The following PHF2 variants were observed in gnomAD, a reference collection of about 807,000 sequenced individuals.
PHF2 encodes the protein PHD finger protein 2.
Under a neutral mutation model 120.5 loss-of-function variants are expected in PHF2, and 27 were observed. The ratio of observed to expected loss-of-function variants is 0.22; its 90% CI spans 0.17 to 0.31. The LOEUF (loss-of-function observed/expected upper bound fraction) is 0.31. PHF2 is among the 10% of genes least tolerant of loss of function. The probability of loss-of-function intolerance (pLI) is 1.00; values close to 1 mark genes in which losing one functional copy is unlikely to be tolerated. For synonymous variants in PHF2, 568 were observed against 592.5 expected (o/e 0.96, Z 0.60); for missense variants, 1,024 against 1,434.8 (o/e 0.71, Z 4.63).
chr9:93,587,871 G>A (rs534339919), intron 1 of PHF2, among the ~76,000 whole-genome samples: 6 of 152,272 alleles, frequency 3.9e-5, no homozygotes, highest in East Asian at 3.9e-4. Context: ...CTGACCGTCC[G>A]TTCTCCAGCA....
At chr9:93,593,175 C>A (rs927035728) in intron 1 of PHF2, among the ~76,000 whole-genome samples, 1 of 151,854 alleles carries the variant, frequency 6.6e-6, no homozygotes, top group Non-Finnish European at 1.5e-5. Flanking sequence ...GGCAGCACCC[C>A]CTTCCCTGGA....
intron 1 of PHF2, among the ~76,000 whole-genome samples, chr9:93,601,799 C>T (rs1030788584): frequency 3.9e-5 from 6 of 152,030 alleles, no homozygotes; most frequent in Non-Finnish European, 8.8e-5. Context: ...TGGAGCTCCA[C>T]GGGCAGAGCA....
intron 4 of PHF2, among the ~76,000 whole-genome samples, chr9:93,647,271 C>T (rs1826277392): frequency 6.6e-6 from 1 of 152,192 alleles, no homozygotes; most frequent in South Asian, 2.1e-4. Context: ...AGCTAATTTC[C>T]TCCCTTCCAC....
At chr9:93,620,015 T>C (rs2131638364) in intron 1 of PHF2, among the ~76,000 whole-genome samples, 1 of 152,338 alleles carries the variant, frequency 6.6e-6, no homozygotes. Flanking sequence ...AAGGCGTCCC[T>C]GGGCTTCAGC....
chr9:93,650,349 G>T (rs1826347226), intron 5 of PHF2, among the ~76,000 whole-genome samples: 1 of 152,114 alleles, frequency 6.6e-6, no homozygotes. Context: ...GACACACTGA[G>T]ATACTAACTC....
rs748181432 is a variant in PHF2 at position 93,655,992 on chromosome 9, C to T, written c.1011C>T (p.Leu337=). The T allele has an allele frequency of 6.2e-7, 1 of 1,612,814 alleles. No individual in the cohort carries two copies. The highest frequency in any genetic ancestry group is 1.1e-5 in the South Asian group (1 of 90,800). ...GCCTGGCCTTCGCGGGACATTTCCT[C>T]CACAGCCTGAGTGTGGAGATGCAGA... is the stretch of plus-strand genomic sequence containing the variant. ...VDCLAFAGHF[L]HSLSVEMQMR... The change falls in exon 8 of 22, where the codon CTC becomes CTT. Residue 337 remains leucine (L), a synonymous_variant. Coordinates refer to ENST00000359246, the MANE Select transcript of PHF2 (RefSeq NM_005392.4).
chr9:93,656,555 G>T lies in PHF2; in HGVS notation c.1107G>T (p.Ala369=), dbSNP rs777846852. The part of the protein sequence containing the change: ...SLTQFPNFET[A]CWYMGKHLLE... ...CTCAGTTTCCCAACTTTGAAACTGC[G>T]TGCTGGTACATGGGGAAGCACCTGC... The change falls in exon 9 of 22, where the codon GCG becomes GCT. Residue 369 remains alanine (A), a synonymous_variant. Transcript: ENST00000359246. The surrounding 1 kb of genome is among the most constrained non-coding windows in gnomAD (Gnocchi z 4.1). The T allele has an allele frequency of 3.7e-6, 6 of 1,613,854 alleles. No individual in the cohort carries two copies. The highest frequency in any genetic ancestry group is 1.7e-5 in the Admixed American group (1 of 60,008).
At chr9:93,599,748 C>T (rs1167402907) in intron 1 of PHF2, among the ~76,000 whole-genome samples, 1 of 152,210 alleles carries the variant, frequency 6.6e-6, no homozygotes, top group African/African-American at 2.4e-5. Context: ...CTGCTTGCAG[C>T]AAGGGGGATT....
At chr9:93,640,161 C>T (rs561420885) in intron 3 of PHF2, among the ~76,000 whole-genome samples, 1 of 152,090 alleles carries the variant, frequency 6.6e-6, no homozygotes, top group South Asian at 2.1e-4. Flanking sequence ...TGCCTAGGTG[C>T]AGAATTTTTG....
At chr9:93,580,149 G>A (rs75805906) in intron 1 of PHF2, among the ~76,000 whole-genome samples, 2,171 of 152,272 alleles carry the variant, frequency 0.014, 55 homozygotes, top group African/African-American at 0.048. Context: ...TTCCTCCTCC[G>A]GCCCCATCTT....
At chr9:93,652,729 G>C (rs988667323) in intron 5 of PHF2, among the ~76,000 whole-genome samples, 2 of 152,206 alleles carry the variant, frequency 1.3e-5, no homozygotes, top group Non-Finnish European at 1.5e-5. Flanking sequence ...ACGTGGCCAG[G>C]GGTCGTGGGC....
chr9:93,654,385 C>T (rs775602675), intron 6 of PHF2, 28 bp from the exon 7 acceptor site: 36 of 1,603,022 alleles, frequency 2.2e-5, no homozygotes, highest in Middle Eastern at 1.7e-4. Context: ...CCAGTATGGG[C>T]GGCTCTGCCA....
chr9:93,576,714 C>A lies in PHF2; in HGVS notation c.-60C>A. 1 of 766,044 alleles carries A rather than the reference C, an allele frequency of 1.3e-6. No homozygotes were observed. The highest frequency in any genetic ancestry group is 1.6e-6 in the Non-Finnish European group (1 of 633,342). 47.5% of individuals were successfully genotyped at this position (766,044 alleles called of 1,614,324 possible). ...CCCCCGCGCGGCCCGGCCCCCGGCC[C>A]GGCCCGGACCGACCCGGGCAGCGCA... On this transcript the variant is annotated 5_prime_UTR_variant, in exon 1 of 22. Transcript: ENST00000359246.
At chr9:93,611,294 A>G (rs1483673610) in intron 1 of PHF2, among the ~76,000 whole-genome samples, 1 of 152,038 alleles carries the variant, frequency 6.6e-6, no homozygotes, top group Non-Finnish European at 1.5e-5. Context: ...GTGTGCCTGT[A>G]ATCCCAGCTA....
chr9:93,635,150 G>A (rs567187717), intron 2 of PHF2, among the ~76,000 whole-genome samples: 1 of 152,278 alleles, frequency 6.6e-6, no homozygotes, highest in South Asian at 2.1e-4. Flanking sequence ...TTTCCATAAT[G>A]TCCACTTGAA....
chr9:93,620,167 A>G (rs7018588), intron 1 of PHF2, among the ~76,000 whole-genome samples: 121,240 of 152,210 alleles, frequency 0.8, 48,613 homozygotes, highest in African/African-American at 0.88. Flanking sequence ...GTACAAGGCT[A>G]GGTGGCCAGC....
intron 6 of PHF2, 71 bp downstream of exon 6, chr9:93,653,436 C>G (rs1826402968): frequency 6.7e-7 from 1 of 1,496,950 alleles, no homozygotes; most frequent in South Asian, 1.2e-5. Flanking sequence ...GTCTGCAGTC[C>G]CCACAAGCCC....
intron 1 of PHF2, among the ~76,000 whole-genome samples, chr9:93,611,304 A>C (rs910943579): frequency 1.3e-5 from 2 of 151,760 alleles, no homozygotes; most frequent in Non-Finnish European, 1.5e-5. Flanking sequence ...AATCCCAGCT[A>C]CTCAGGAGCC....
intron 2 of PHF2, among the ~76,000 whole-genome samples, chr9:93,635,892 G>A (rs571483081): frequency 6.6e-6 from 1 of 152,174 alleles, no homozygotes; most frequent in Admixed American, 6.5e-5. Flanking sequence ...AGTGTGGCCA[G>A]CACAGAGGAG....
Sources: gnomAD v4.1 joint callset for allele counts (sites outside exome capture counted in the v4.1 genomes callset) on GRCh38, gnomAD v4.1.1 for gene constraint, Gnocchi (gnomAD v3.1) non-coding constraint, MANE v1.5 for transcripts, NCBI Gene and HGNC (gene_info 2026-07-23, HGNC 2026-07-21) for gene names.